Variants in DMAC2L observed in about 807,000 individuals in gnomAD.
DMAC2L encodes ATP synthase subunit s, mitochondrial.
Under a neutral mutation model 22.5 loss-of-function variants are expected in DMAC2L, and 21 were observed. The observed-to-expected ratio is 0.93, with a 90% CI of 0.66 to 1.34. DMAC2L has a LOEUF of 1.34. DMAC2L is among the 40% of genes most tolerant of loss of function. The pLI is 0.00. For missense variants in DMAC2L, 239 were observed against 246.5 expected (o/e 0.97, Z 0.20); for synonymous variants, 86 against 89.5 (o/e 0.96, Z 0.22).
At chr14:50,313,970 A>G (rs12588912) in intron 1 of DMAC2L, among the ~76,000 whole-genome samples, 61,975 of 152,130 alleles carry the variant, frequency 0.41, 13,153 homozygotes, top group East Asian at 0.62. Context: ...TATTGTAATT[A>G]TACAGTATGT....
chr14:50,315,071 A>T (rs531988804), intron 2 of DMAC2L, among the ~76,000 whole-genome samples: 10 of 151,534 alleles, frequency 6.6e-5, no homozygotes, highest in African/African-American at 2.2e-4. Context: ...GGTTCACACC[A>T]TTCTCCTGCT....
At chr14:50,319,647 A>G (rs2032103099) in intron 2 of DMAC2L, among the ~76,000 whole-genome samples, 1 of 152,258 alleles carries the variant, frequency 6.6e-6, no homozygotes, top group African/African-American at 2.4e-5. Context: ...GATTTCATCC[A>G]GGTGATCTAA....
chr14:50,321,142 TG>T (rs2032231271), intron 2 of DMAC2L, among the ~76,000 whole-genome samples: 1 of 152,102 alleles, frequency 6.6e-6, no homozygotes, highest in South Asian at 2.1e-4. Context: ...GAAATATAGA[TG>T]GGGAATAGAG....
In DMAC2L at chr14:50,323,132, C is replaced by T. The variant is rs1227364062; in HGVS notation, c.316+413C>T. 22 of 731,976 alleles carry T rather than the reference C, an allele frequency of 3.0e-5. 1 individual carries two copies. Among genetic ancestry groups the T allele is most frequent in the Middle Eastern group, 6.9e-4 (1 of 1,446 alleles). 45.3% of individuals were successfully genotyped at this position (731,976 alleles called of 1,614,324 possible). ...ACAGAGTCTTGCTCTGTCGCCTAGGCTGGAGTGCAGTGGCGCGATCTCAGC... is the reference window on the plus strand; with the variant it reads ...ACAGAGTCTTGCTCTGTCGCCTAGGTTGGAGTGCAGTGGCGCGATCTCAGC... On this transcript the variant is annotated intron_variant, in intron 4 of 5. Transcript: ENST00000557421.
intron 1 of DMAC2L, chr14:50,312,905 G>T (rs1024206084): frequency 2.2e-5 from 23 of 1,061,396 alleles, no homozygotes; most frequent in Non-Finnish European, 5.7e-6. Flanking sequence ...AATATGGAGC[G>T]CCTGCTCTGT....
At chr14:50,313,271 C>T (rs143698262) in intron 1 of DMAC2L, among the ~76,000 whole-genome samples, 5 of 152,318 alleles carry the variant, frequency 3.3e-5, no homozygotes, top group African/African-American at 1.2e-4. Flanking sequence ...CTTCGTGTGC[C>T]TCTAAGAATC....
intron 2 of DMAC2L, among the ~76,000 whole-genome samples, chr14:50,316,070 ATTT>A (rs1370543999): frequency 6.7e-6 from 1 of 150,084 alleles, no homozygotes; most frequent in Non-Finnish European, 1.5e-5. Flanking sequence ...GCCAACATCT[ATTT>A]TTTTTTAATT....
In DMAC2L at chr14:50,312,640, C is replaced by CGCTCCA. The variant is rs1448538400; in HGVS notation, c.-42+260_-42+265dup. The CGCTCCA allele has an allele frequency of 2.4e-4, 71 of 290,010 alleles. No homozygotes were observed. The South Asian group carries it at 2.8e-3, about 11-fold the overall frequency. 18.0% of individuals were successfully genotyped at this position (290,010 alleles called of 1,614,324 possible). ...CTCGGCCCCGCCCCCGCCCCGCCCC[C>CGCTCCA]GCTCCAGCTCCAGCCGGGTCCTCGC... On this transcript the variant is annotated intron_variant, in intron 1 of 5. Transcript: ENST00000557421.
chr14:50,324,920 C>T (rs984283948), intron 5 of DMAC2L, among the ~76,000 whole-genome samples: 3 of 152,214 alleles, frequency 2.0e-5, no homozygotes, highest in Non-Finnish European at 2.9e-5. Flanking sequence ...GGATTAAAGG[C>T]GTGCACCACC....
upstream of DMAC2L, chr14:50,312,223 CT>C: frequency 6.3e-7 from 1 of 1,575,746 alleles, no homozygotes. Flanking sequence ...GACCCGCGCT[CT>C]TTAGCCCCGC....
chr14:50,316,102 T>C (rs1219006797), intron 2 of DMAC2L, among the ~76,000 whole-genome samples: 1 of 152,204 alleles, frequency 6.6e-6, no homozygotes, highest in Non-Finnish European at 1.5e-5. Flanking sequence ...ATGGCCATTC[T>C]TGCGGGGAGT....
intron 3 of DMAC2L, among the ~76,000 whole-genome samples, chr14:50,322,218 A>C (rs1156269855): frequency 6.6e-6 from 1 of 152,264 alleles, no homozygotes; most frequent in African/African-American, 2.4e-5. Context: ...GGTGTCAAGC[A>C]CTGTACTATA....
chr14:50,316,609 T>C (rs1319586241), intron 2 of DMAC2L, among the ~76,000 whole-genome samples: 1 of 152,236 alleles, frequency 6.6e-6, no homozygotes, highest in Non-Finnish European at 1.5e-5. Context: ...TTCTCCTACA[T>C]GTGGCTTGCC....
intron 5 of DMAC2L, among the ~76,000 whole-genome samples, chr14:50,324,926 C>A (rs371709437): frequency 1.3e-5 from 2 of 152,126 alleles, no homozygotes; most frequent in East Asian, 1.9e-4. Context: ...AAGGCGTGCA[C>A]CACCACGCCC....
At chr14:50,312,927 C>A in intron 1 of DMAC2L, 2 of 1,416,888 alleles carry the variant, frequency 1.4e-6, no homozygotes, top group Non-Finnish European at 2.0e-6. Flanking sequence ...CTCGACCCGG[C>A]ACTGGGTACC....
At chr14:50,316,688 A>G (rs1025616065) in intron 2 of DMAC2L, among the ~76,000 whole-genome samples, 2 of 152,074 alleles carry the variant, frequency 1.3e-5, no homozygotes, top group Non-Finnish European at 2.9e-5. Flanking sequence ...TGTTTTGTTG[A>G]AGATCAGTTG....
intron 2 of DMAC2L, among the ~76,000 whole-genome samples, chr14:50,321,006 G>T (rs2075372048): frequency 6.6e-6 from 1 of 152,118 alleles, no homozygotes; most frequent in Admixed American, 6.6e-5. Context: ...CACTGCTCTG[G>T]TAACACCACT....
intron 2 of DMAC2L, among the ~76,000 whole-genome samples, chr14:50,318,115 A>G (rs2031964840): frequency 6.6e-6 from 1 of 152,326 alleles, no homozygotes; most frequent in Admixed American, 6.5e-5. Flanking sequence ...TGGATTATCT[A>G]TGGCAGCAGT....
upstream of DMAC2L, chr14:50,311,966 G>A (rs771613897): frequency 2.6e-6 from 4 of 1,541,882 alleles, no homozygotes; most frequent in South Asian, 4.8e-5. Context: ...GTGCCTCCGC[G>A]AGGGGCAGCA....
Sources: allele counts gnomAD v4.1 joint callset (sites outside exome capture counted in the v4.1 genomes callset), GRCh38; gene constraint gnomAD v4.1.1; transcripts MANE v1.5; gene names NCBI Gene and HGNC (gene_info 2026-07-23, HGNC 2026-07-21).